Variants in DCAF6 observed in about 807,000 individuals in gnomAD.
The protein encoded by DCAF6 is DDB1- and CUL4-associated factor 6.
A neutral mutation model predicts 125.1 loss-of-function variants in DCAF6; 54 were observed. That is an observed-to-expected ratio of 0.43 (90% CI 0.35 to 0.54). The LOEUF is 0.54. Ranked by LOEUF, DCAF6 falls within the 20% of genes least tolerant of loss-of-function variation. The pLI is 0.01. For synonymous variants in DCAF6, 371 were observed against 390.4 expected, an observed-to-expected ratio of 0.95 and a Z score of 0.58; for missense variants, 934 against 1,161.7, an observed-to-expected ratio of 0.80 and a Z score of 2.85.
intron 4 of DCAF6, among the ~76,000 whole-genome samples, chr1:167,984,716 T>C (rs374598083): frequency 6.6e-6 from 1 of 152,254 alleles, no homozygotes; most frequent in Non-Finnish European, 1.5e-5. Context: ...TTATTTAGGT[T>C]GAATATACTT....
the DCAF6 span, among the ~76,000 whole-genome samples, chr1:167,929,845 A>G: frequency 6.6e-6 from 1 of 152,176 alleles, no homozygotes; most frequent in African/African-American, 2.4e-5. Flanking sequence ...TTCTTACTGA[A>G]TGCTAAGAGG....
chr1:167,906,163 A>G, the DCAF6 span, among the ~76,000 whole-genome samples: 3 of 152,180 alleles, frequency 2.0e-5, no homozygotes, highest in Admixed American at 1.3e-4. Context: ...AAGGGGAAGT[A>G]TTTAAAAAAT....
At chr1:167,876,516 G>T in the DCAF6 span, among the ~76,000 whole-genome samples, 1 of 152,108 alleles carries the variant, frequency 6.6e-6, no homozygotes, top group Non-Finnish European at 1.5e-5. Flanking sequence ...ATATATCAAA[G>T]GTTCCCATGT....
chr1:168,063,497 G>A (rs978959246), intron 17 of DCAF6, 124 bp from the exon 18 acceptor site: 1 of 724,336 alleles, frequency 1.4e-6, no homozygotes, highest in African/African-American at 1.9e-5. Context: ...CTTTTGGTTG[G>A]GGGTGCCTTA....
At chr1:167,941,018 T>C (rs1672154990) in intron 1 of DCAF6, among the ~76,000 whole-genome samples, 1 of 152,156 alleles carries the variant, frequency 6.6e-6, no homozygotes, top group Non-Finnish European at 1.5e-5. Flanking sequence ...CTTTAGTGCA[T>C]CTTGAATACA....
chr1:168,026,758 G>A (rs116250729), intron 12 of DCAF6, among the ~76,000 whole-genome samples: 433 of 152,144 alleles, frequency 2.8e-3, no homozygotes, highest in Non-Finnish European at 5.2e-3. Context: ...TATCCACGTG[G>A]AGAGATCTCA....
Position 167,961,088 on chromosome 1 carries a change from G to GT in DCAF6, c.160-5537dup, listed in dbSNP as rs559723379. On this transcript the variant is annotated intron_variant, in intron 2 of 21. Transcript: ENST00000367840. ...TTCAATTTATACCTAAGTGTTTCAT[G>GT]TTTTGGAGTGCTAATGTAATGGTAT... 3.8e-3 allele frequency among the ~76,000 whole-genome samples: 578 copies of GT among 152,232 alleles called. 3 individuals carry two copies. The highest frequency in any genetic ancestry group is 0.013 in the African/African-American group (546 of 41,552).
At chr1:167,912,924 A>T in the DCAF6 span, among the ~76,000 whole-genome samples, 1 of 152,236 alleles carries the variant, frequency 6.6e-6, no homozygotes, top group Non-Finnish European at 1.5e-5. Flanking sequence ...AAGCTGGAAT[A>T]TCCAGGTCTG....
intron 12 of DCAF6, among the ~76,000 whole-genome samples, chr1:168,024,737 G>A (rs1199645391): frequency 6.6e-6 from 1 of 151,164 alleles, no homozygotes; most frequent in Non-Finnish European, 1.5e-5. Context: ...CTGGGAGGCG[G>A]AGGTTACAGT....
At chr1:168,000,424 A>G (rs1040463777) in intron 7 of DCAF6, among the ~76,000 whole-genome samples, 6 of 152,178 alleles carry the variant, frequency 3.9e-5, no homozygotes, top group Admixed American at 6.5e-5. Flanking sequence ...CTAAATTTGT[A>G]AAAAACCACA....
intron 1 of DCAF6, among the ~76,000 whole-genome samples, chr1:167,950,042 T>C (rs1418617386): frequency 6.6e-6 from 1 of 152,256 alleles, no homozygotes; most frequent in African/African-American, 2.4e-5. Flanking sequence ...CATGTTCTAA[T>C]GTGCAAACGT....
At chr1:167,948,233 C>T (rs1458880118) in intron 1 of DCAF6, among the ~76,000 whole-genome samples, 5 of 151,304 alleles carry the variant, frequency 3.3e-5, no homozygotes, top group African/African-American at 1.2e-4. Flanking sequence ...TATAATGTTG[C>T]CATGGTGGAG....
intron 16 of DCAF6, among the ~76,000 whole-genome samples, chr1:168,049,302 G>T (rs562243433): frequency 8.5e-5 from 13 of 152,170 alleles, no homozygotes; most frequent in African/African-American, 2.2e-4. Flanking sequence ...GAGTGCAGTG[G>T]TATGATCATA....
At chr1:167,943,647 G>A (rs1359449761) in intron 1 of DCAF6, among the ~76,000 whole-genome samples, 3 of 152,038 alleles carry the variant, frequency 2.0e-5, no homozygotes, top group African/African-American at 7.2e-5. Context: ...CCTCATTAAC[G>A]AATTTCTCAT....
At chr1:168,009,227 T>A (rs544355717) in intron 10 of DCAF6, among the ~76,000 whole-genome samples, 1 of 152,020 alleles carries the variant, frequency 6.6e-6, no homozygotes, top group East Asian at 2.0e-4. Context: ...CTCAATCTCC[T>A]GACCTTGTGA....
intron 3 of DCAF6, among the ~76,000 whole-genome samples, chr1:167,970,976 G>A (rs767685003): frequency 2.0e-5 from 3 of 152,044 alleles, no homozygotes; most frequent in Non-Finnish European, 4.4e-5. Flanking sequence ...GCCCAGAGAT[G>A]GTCTTGCAAT....
At chr1:167,903,042 G>C in the DCAF6 span, among the ~76,000 whole-genome samples, 1 of 152,018 alleles carries the variant, frequency 6.6e-6, no homozygotes, top group African/African-American at 2.4e-5. Flanking sequence ...ATCACCTGAG[G>C]TCAGGAGTTA....
chr1:167,926,741 T>A, the DCAF6 span, among the ~76,000 whole-genome samples: 2 of 152,308 alleles, frequency 1.3e-5, no homozygotes, highest in South Asian at 4.1e-4. Context: ...AATCCTGGCC[T>A]AGGGCGACTG....
intron 4 of DCAF6, 116 bp downstream of exon 4, chr1:167,975,131 A>C (rs527518461): frequency 1.9e-6 from 1 of 522,470 alleles, no homozygotes; most frequent in East Asian, 3.5e-5. Context: ...TGCACATTTG[A>C]TGCATATAAA....
Sources: allele counts gnomAD v4.1 joint callset (sites outside exome capture counted in the v4.1 genomes callset), GRCh38; gene constraint gnomAD v4.1.1; transcripts MANE v1.5; gene names NCBI Gene and HGNC (gene_info 2026-07-23, HGNC 2026-07-21).